The following CABP2 variants were observed in gnomAD, a reference collection of about 807,000 sequenced individuals.
CABP2 encodes the protein calcium-binding protein 2.
In CABP2, 25 loss-of-function variants were observed where a neutral mutation model predicts 28.6. That is an observed-to-expected ratio of 0.87 (90% CI 0.64 to 1.22). The LOEUF (loss-of-function observed/expected upper bound fraction) is 1.22. Ranked by LOEUF, CABP2 falls within the 50% of genes most tolerant of loss-of-function variation. The pLI is 0.00. For missense variants in CABP2, 310 were observed against 312.2 expected (o/e 0.99, Z 0.05); for synonymous variants, 138 against 126.0 (o/e 1.09, Z -0.64).
rs1288239630 is a variant in CABP2, at chr11:67,519,953, TG to T, written c.490-14del. 2.5e-6 allele frequency: 4 copies of T among 1,602,754 alleles called. No homozygotes were observed. Among genetic ancestry groups the T allele is most frequent in the Non-Finnish European group, 3.4e-6 (4 of 1,176,366 alleles). ...CATTGGTGTCGAACTGTGGCGGCGT[TG>T]GTTGTGGCGTCTGGTCACTGACAGT... On this transcript the variant is annotated splice_polypyrimidine_tract_variant and intron_variant, in intron 5 of 6. Transcript: ENST00000294288.
chr11:67,519,144 G>A lies in CABP2; in HGVS notation c.658C>T (p.Arg220Trp), dbSNP rs1189907253. 3 of 1,614,106 alleles carry A rather than the reference G, an allele frequency of 1.9e-6. No individual in the cohort carries two copies. The highest frequency in any genetic ancestry group is 3.3e-5 in the Admixed American group (2 of 60,032). Residue 220 changes from arginine to tryptophan, a missense_variant, in exon 7 of 7, where the codon CGG (arginine) becomes TGG (tryptophan). Physicochemically the swap from Arg to Trp is moderately radical, Grantham distance 101. Transcript: ENST00000294288. Reference protein sequence around the residue: ...DFEEFVRMMSR With the variant: ...DFEEFVRMMSW Reference sequence around the variant, plus strand: ...CCTCCAGCTTCTGTACAGGCTCACCGAGACATCATTCGCACAAACTCTGCC... The same window carrying A: ...CCTCCAGCTTCTGTACAGGCTCACCAAGACATCATTCGCACAAACTCTGCC...
At position 67,522,530 on chromosome 11, in the gene CABP2, G is replaced by A. The variant is rs752135273; in HGVS notation, c.213+16C>T. 14 of 1,553,062 alleles carry A rather than the reference G, an allele frequency of 9.0e-6. No homozygotes were observed. Among genetic ancestry groups the A allele is most frequent in the African/African-American group, 2.7e-5 (2 of 73,122 alleles). On this transcript the variant is annotated intron_variant, in intron 2 of 6. Transcript: ENST00000294288. ...GGCAAGGGCAGGCAGGCTGGCGGGC[G>A]GGTGGCCGTACATACGAGTTGGGTG...
intron 3 of CABP2, 128 bp from the exon 4 acceptor site, chr11:67,521,287 C>A (rs927419583): frequency 3.7e-5 from 34 of 921,560 alleles, no homozygotes; most frequent in Non-Finnish European, 3.9e-5. Context: ...TGCCTCGGGG[C>A]CTTTGCACGT....
intron 2 of CABP2, 76 bp from the exon 3 acceptor site, chr11:67,522,058 C>G: frequency 7.8e-7 from 1 of 1,277,626 alleles, no homozygotes; most frequent in South Asian, 1.3e-5. Flanking sequence ...TCCCGGGGCT[C>G]CCCACCCAGC....
Position 67,521,941 on chromosome 11 carries a change from C to T in CABP2, c.244+11G>A, listed in dbSNP as rs1866753274. On this transcript the variant is annotated intron_variant, in intron 3 of 6. Transcript: ENST00000294288. ...CCCTTCAGGGAACCAGTTCCTTCTC[C>T]AACCCTTTACCTTCAATCTCCTCGG... 2 of 1,607,438 alleles carry T rather than the reference C, an allele frequency of 1.2e-6. No homozygotes were observed. Among genetic ancestry groups the T allele is most frequent in the South Asian group, 2.2e-5 (2 of 90,706 alleles).
rs1282125262 is a variant in CABP2 at position 67,518,918 on chromosome 11, C to A, written c.*221G>T. 2 of 590,644 alleles carry A rather than the reference C, an allele frequency of 3.4e-6. No individual in the cohort carries two copies. Among genetic ancestry groups the A allele is most frequent in the Non-Finnish European group, 6.1e-6 (2 of 329,782 alleles). The allele number at this position is 590,644 out of a possible 1,614,324, so 36.6% of individuals were successfully genotyped here. A position where few individuals can be genotyped will look rare whatever the true frequency, so the allele number is the denominator to read the frequency against. On this transcript the variant is annotated 3_prime_UTR_variant, in exon 7 of 7. Transcript: ENST00000294288. ...AAGTGAGAGGCAAAAGCCATCTCCCCAGGCTTGGAGATATTTTATTGTCAG... is the reference window on the plus strand; with the variant it reads ...AAGTGAGAGGCAAAAGCCATCTCCCAAGGCTTGGAGATATTTTATTGTCAG...
intron 3 of CABP2, 64 bp downstream of exon 3, chr11:67,521,888 C>G: frequency 2.9e-6 from 1 of 340,988 alleles, no homozygotes. Context: ...AACCCTGTGT[C>G]CCCACCCCAT....
intron 2 of CABP2, 97 bp from the exon 3 acceptor site, chr11:67,522,079 A>C (rs2134362580): frequency 9.3e-7 from 1 of 1,078,852 alleles, no homozygotes; most frequent in Non-Finnish European, 1.4e-6. Flanking sequence ...CCCACAATCC[A>C]ACACGCACAC....
Position 67,522,691 on chromosome 11 carries a change from G to A in CABP2, c.68C>T (p.Pro23Leu), listed in dbSNP as rs991383929. ...GGGGCTGGGGCAGGAGCCCCTTGGT[G>A]GGGAGCCGAGCCACTGCAAGGGGTC... is the stretch of plus-strand genomic sequence containing the variant. ...PKDPLQWLGS[P>L]PRGSCPSPSS... is the part of the protein sequence containing the mutation. The change falls in exon 2 of 7, where the codon CCA (proline) becomes CTA (leucine). Residue 23 changes from proline to leucine, a missense_variant. Coordinates refer to ENST00000294288, the MANE Select transcript of CABP2 (RefSeq NM_016366.3). The A allele has an allele frequency of 2.6e-6, 4 of 1,516,640 alleles. No homozygotes were observed. In the African/African-American group the frequency reaches 5.5e-5, roughly 21 times the overall value. The allele number at this position is 1,516,640 out of a possible 1,614,324, so 93.9% of individuals were successfully genotyped here.
Position 67,523,368 on chromosome 11 carries a change from C to T in CABP2, c.-42G>A, listed in dbSNP as rs775715562. ...CAGGCCTGGAACCCCGGGGGTGGCC[C>T]GGGTGGGCCTCGGCGGATGCTGCTG... On this transcript the variant is annotated 5_prime_UTR_variant, in exon 1 of 7. Transcript: ENST00000294288. The T allele has an allele frequency of 5.2e-5, 80 of 1,528,760 alleles. No homozygotes were observed. The highest frequency in any genetic ancestry group is 1.2e-4 in the African/African-American group (9 of 72,206). 94.7% of individuals were successfully genotyped at this position (1,528,760 alleles called of 1,614,324 possible).
At position 67,521,959 on chromosome 11, in the gene CABP2, C is replaced by T; in HGVS notation, c.237G>A (p.Glu79=). The T allele has an allele frequency of 6.8e-7, 1 of 1,479,958 alleles. No homozygotes were observed. The highest frequency in any genetic ancestry group is 1.1e-5 in the South Asian group (1 of 89,160). 91.7% of individuals were successfully genotyped at this position (1,479,958 alleles called of 1,614,324 possible). The change falls in exon 3 of 7, where the codon GAG becomes GAA. Residue 79 remains glutamate (E), a synonymous_variant. Coordinates refer to ENST00000294288, the MANE Select transcript of CABP2 (RefSeq NM_016366.3). ...TQLDRELRPE[E]IEELQVAFQE... Reference sequence around the variant, plus strand: ...CCTTCTCCAACCCTTTACCTTCAATCTCCTCGGGCCGCAGCTCCCGGTCCT... The same window carrying T: ...CCTTCTCCAACCCTTTACCTTCAATTTCCTCGGGCCGCAGCTCCCGGTCCT...
Position 67,522,561 on chromosome 11 carries a change from A to C in CABP2, c.198T>G (p.Ile66Met), listed in dbSNP as rs2134363082. The change falls in exon 2 of 7, where the codon ATT (isoleucine) becomes ATG (methionine). Residue 66 changes from isoleucine to methionine, a missense_variant. Transcript: ENST00000294288. ...GPACIFLRPS[I>M]AATQLDRELR... ...CCGTACATACGAGTTGGGTGGCGGC[A>C]ATGCTGGGCCGCAGGAAGATGCAGG... 6.4e-7 allele frequency: 1 copy of C among 1,555,804 alleles called. No individual in the cohort carries two copies. The highest frequency in any genetic ancestry group is 8.7e-7 in the Non-Finnish European group (1 of 1,149,380).
intron 1 of CABP2, 100 bp from the exon 2 acceptor site, chr11:67,522,816 C>T (rs542496414): frequency 1.3e-4 from 140 of 1,113,802 alleles, no homozygotes; most frequent in Admixed American, 7.3e-4. Context: ...CTTTGGAGCC[C>T]GGCATGGGAC....
intron 1 of CABP2, 69 bp from the exon 2 acceptor site, chr11:67,522,785 C>G (rs1299020501): frequency 4.4e-6 from 6 of 1,349,932 alleles, no homozygotes; most frequent in Non-Finnish European, 5.9e-6. Context: ...CCTCCCCACT[C>G]CTCTCACCAG....
intron 1 of CABP2, 115 bp downstream of exon 1, chr11:67,523,170 G>T (rs559097462): frequency 2.8e-5 from 22 of 781,740 alleles, no homozygotes; most frequent in Middle Eastern, 2.4e-4. Flanking sequence ...TCTCCACCTG[G>T]GGCAGTGGGC....
chr11:67,520,869 A>T (rs1289509366), intron 4 of CABP2, among the ~76,000 whole-genome samples, 156 bp downstream of exon 4: 1 of 152,172 alleles, frequency 6.6e-6, no homozygotes, highest in Non-Finnish European at 1.5e-5. Context: ...AGCTGGTGAG[A>T]TTCTCCAGAG....
At chr11:67,520,191 C>T (rs1259532365) in intron 4 of CABP2, 31 bp from the exon 5 acceptor site, 14 of 1,442,390 alleles carry the variant, frequency 9.7e-6, no homozygotes, top group Non-Finnish European at 1.4e-5. Flanking sequence ...AGACCCAGGG[C>T]ATCAGAGACC....
intron 3 of CABP2, 55 bp downstream of exon 3, chr11:67,521,897 A>T: frequency 1.3e-5 from 2 of 152,100 alleles, no homozygotes; most frequent in Non-Finnish European, 2.2e-5. Context: ...TCCCCACCCC[A>T]TGCCCCCCAT....
At chr11:67,522,758 G>C in intron 1 of CABP2, 42 bp from the exon 2 acceptor site, 1 of 1,439,798 alleles carries the variant, frequency 6.9e-7, no homozygotes, top group East Asian at 2.5e-5. Flanking sequence ...TGGCCGCTGA[G>C]CTCTGGGCCT....
Sources: allele counts gnomAD v4.1 joint callset (sites outside exome capture counted in the v4.1 genomes callset), GRCh38; gene constraint gnomAD v4.1.1; transcripts MANE v1.5; gene names NCBI Gene and HGNC (gene_info 2026-07-23, HGNC 2026-07-21).